Variants in DGKB observed in about 807,000 individuals in gnomAD.
DGKB encodes the protein 90 kDa diacylglycerol kinase.
A neutral mutation model predicts 114.3 loss-of-function variants in DGKB; 67 were observed. The observed-to-expected ratio is 0.59, with a 90% CI of 0.48 to 0.72. The LOEUF (loss-of-function observed/expected upper bound fraction) is 0.72, where lower values mean the gene tolerates loss of function less well. DGKB is among the 30% of genes least tolerant of loss of function. The pLI is 0.00. For missense variants in DGKB, 907 were observed against 975.2 expected, an observed-to-expected ratio of 0.93 and a Z score of 0.93; for synonymous variants, 398 against 323.1, an observed-to-expected ratio of 1.23 and a Z score of -2.49.
intron 1 of DGKB, among the ~76,000 whole-genome samples, chr7:14,859,676 G>A (rs886883147): frequency 6.6e-6 from 1 of 152,092 alleles, no homozygotes; most frequent in East Asian, 1.9e-4. Context: ...CCCTCTGAAA[G>A]TAACTACATT....
intron 19 of DGKB, among the ~76,000 whole-genome samples, chr7:14,577,612 G>C (rs567527228): frequency 6.7e-6 from 1 of 148,964 alleles, no homozygotes; most frequent in East Asian, 2.0e-4. Flanking sequence ...GTGAGACTCC[G>C]TCTCAAAAAA....
chr7:14,222,726 A>G (rs1790195184), intron 23 of DGKB, among the ~76,000 whole-genome samples: 1 of 151,420 alleles, frequency 6.6e-6, no homozygotes, highest in Non-Finnish European at 1.5e-5. Flanking sequence ...ATTTCTACCT[A>G]ATTATTCTAC....
At chr7:14,271,549 G>A (rs1421395670) in intron 23 of DGKB, among the ~76,000 whole-genome samples, 2 of 152,168 alleles carry the variant, frequency 1.3e-5, no homozygotes, top group African/African-American at 4.8e-5. Flanking sequence ...TAATTTATCA[G>A]GGGCTGAAAG....
intron 21 of DGKB, among the ~76,000 whole-genome samples, chr7:14,465,521 AT>A (rs1833705017): frequency 6.6e-6 from 1 of 152,130 alleles, no homozygotes; most frequent in Non-Finnish European, 1.5e-5. Flanking sequence ...AATTGCTAGT[AT>A]TTGGGGGAAC....
chr7:14,866,375 T>C (rs1851717837), intron 1 of DGKB, among the ~76,000 whole-genome samples: 1 of 152,150 alleles, frequency 6.6e-6, no homozygotes, highest in African/African-American at 2.4e-5. Context: ...TTTATTGCCT[T>C]AAAAATGCTT....
rs1781591883 is a variant in DGKB at position 14,147,401 on chromosome 7, GA to G, written c.*1729del. On this transcript the variant is annotated 3_prime_UTR_variant, in exon 26 of 26. Transcript: ENST00000402815. ...GTCCAATGTTCCAGGAACACTAAAA[GA>G]ATACACTTTGTACGTAATCTTCCAT... is the stretch of plus-strand genomic sequence containing the variant. 6.6e-6 allele frequency: 1 copy of G among 152,118 alleles called. No homozygotes were observed. The highest frequency in any genetic ancestry group is 6.6e-5 in the Admixed American group (1 of 15,262). 9.4% of individuals were successfully genotyped at this position (152,118 alleles called of 1,614,324 possible).
chr7:14,264,721 A>G (rs1797244174), intron 23 of DGKB, among the ~76,000 whole-genome samples: 1 of 152,200 alleles, frequency 6.6e-6, no homozygotes, highest in South Asian at 2.1e-4. Flanking sequence ...CAAGCATCCC[A>G]GTATAGGTGG....
At chr7:14,912,783 T>C (rs1450652771) in intron 1 of DGKB, among the ~76,000 whole-genome samples, 2 of 152,140 alleles carry the variant, frequency 1.3e-5, no homozygotes, top group East Asian at 1.9e-4. Flanking sequence ...ATTTCTCTTG[T>C]AGGGTGCAGA....
intron 21 of DGKB, among the ~76,000 whole-genome samples, chr7:14,449,476 C>G (rs774435663): frequency 7.9e-5 from 12 of 151,884 alleles, no homozygotes; most frequent in Non-Finnish European, 1.8e-4. Context: ...TTCCAAACAC[C>G]CCCTACACTT....
At chr7:14,242,170 A>G (rs892131026) in intron 23 of DGKB, among the ~76,000 whole-genome samples, 3 of 152,228 alleles carry the variant, frequency 2.0e-5, no homozygotes, top group African/African-American at 4.8e-5. Context: ...ACAGGCTGAC[A>G]TAATTTTCCT....
At chr7:14,326,029 T>C (rs1362141533) in intron 23 of DGKB, among the ~76,000 whole-genome samples, 1 of 151,746 alleles carries the variant, frequency 6.6e-6, no homozygotes, top group African/African-American at 2.4e-5. Flanking sequence ...ATATAGGTTA[T>C]GAGACAGACC....
intron 2 of DGKB, among the ~76,000 whole-genome samples, chr7:14,773,599 C>A (rs1438012773): frequency 6.6e-6 from 1 of 152,010 alleles, no homozygotes; most frequent in African/African-American, 2.4e-5. Flanking sequence ...ACAGTGTAGT[C>A]CCCTTTGTTA....
At chr7:14,660,216 C>T (rs148384237) in intron 13 of DGKB, among the ~76,000 whole-genome samples, 66,907 of 151,510 alleles carry the variant, frequency 0.44, 16,285 homozygotes, top group Non-Finnish European at 0.55. Context: ...TGTCTCTGCC[C>T]GGCTTTGGTA....
chr7:14,568,153 A>G (rs1797874290), intron 20 of DGKB, among the ~76,000 whole-genome samples: 2 of 152,118 alleles, frequency 1.3e-5, no homozygotes, highest in South Asian at 4.1e-4. Context: ...TAGTGACTAT[A>G]CAGACTTCTA....
intron 9 of DGKB, among the ~76,000 whole-genome samples, chr7:14,688,294 C>A (rs912787503): frequency 1.3e-5 from 2 of 152,098 alleles, no homozygotes; most frequent in African/African-American, 4.8e-5. Flanking sequence ...TCCAGAAAGG[C>A]TTGATTCCTA....
chr7:14,173,002 A>G (rs759781455), intron 25 of DGKB, among the ~76,000 whole-genome samples: 6 of 152,160 alleles, frequency 3.9e-5, no homozygotes, highest in South Asian at 2.1e-4. Context: ...CAGCTCTTCT[A>G]AGACAATTTT....
At chr7:14,611,642 A>G (rs1320358238) in intron 16 of DGKB, among the ~76,000 whole-genome samples, 1 of 152,060 alleles carries the variant, frequency 6.6e-6, no homozygotes, top group East Asian at 1.9e-4. Context: ...TGTATATAGA[A>G]GAGCTCGAAG....
At chr7:14,940,597 T>C (rs1184852482) in intron 1 of DGKB, among the ~76,000 whole-genome samples, 2 of 152,154 alleles carry the variant, frequency 1.3e-5, no homozygotes, top group South Asian at 2.1e-4. Context: ...CCACAGGCCA[T>C]ATGCAGTTTG....
intron 1 of DGKB, among the ~76,000 whole-genome samples, chr7:14,868,126 T>C (rs1038541780): frequency 2.0e-5 from 3 of 152,108 alleles, no homozygotes; most frequent in Admixed American, 6.5e-5. Context: ...CTTCTTCTTC[T>C]GGCTCTGATG....
Sources: gnomAD v4.1 joint callset for allele counts (sites outside exome capture counted in the v4.1 genomes callset) on GRCh38, gnomAD v4.1.1 for gene constraint, MANE v1.5 for transcripts, NCBI Gene and HGNC (gene_info 2026-07-23, HGNC 2026-07-21) for gene names.